Variants in CALN1 observed in about 807,000 individuals in gnomAD.
CALN1 encodes the protein calneuron 1.
Under a neutral mutation model 30.6 loss-of-function variants are expected in CALN1, and 17 were observed. That is an observed-to-expected ratio of 0.56 (90% confidence interval 0.38 to 0.83). CALN1 has a LOEUF of 0.83. CALN1 is among the 40% of genes least tolerant of loss of function. The pLI, the probability that CALN1 is intolerant of heterozygous loss-of-function variation, is 0.00. For synonymous variants in CALN1, 156 were observed against 131.4 expected, an observed-to-expected ratio of 1.19 and a Z score of -1.28; for missense variants, 291 against 354.9, an observed-to-expected ratio of 0.82 and a Z score of 1.45.
At chr7:72,093,608 G>T (rs1474317403) in intron 4 of CALN1, among the ~76,000 whole-genome samples, 1 of 152,158 alleles carries the variant, frequency 6.6e-6, no homozygotes, top group Non-Finnish European at 1.5e-5. Flanking sequence ...TCCAAGGTTT[G>T]ACCTTTATGG....
In CALN1 at chr7:72,401,890, C is replaced by T. The variant is rs572258167; in HGVS notation, c.119+1361G>A. The stretch of plus-strand genomic sequence containing the variant: ...GTTTCTCTTACTCAATTCTTACCTC[C>T]TTTTCTCAACATGCCCCACCCCCTT... On this transcript the variant is annotated intron_variant, in intron 2 of 6. Transcript: ENST00000395275. Among the ~76,000 whole-genome samples the T allele has an allele frequency of 4.1e-3, 627 of 152,278 alleles. 3 individuals are homozygous for T. The highest frequency in any genetic ancestry group is 6.6e-3 in the Non-Finnish European group (449 of 68,012).
chr7:72,231,175 TG>T (rs1276565292), intron 3 of CALN1, among the ~76,000 whole-genome samples: 1 of 152,206 alleles, frequency 6.6e-6, no homozygotes, highest in African/African-American at 2.4e-5. Context: ...TGTGCAGGTT[TG>T]TTACATAGGT....
intron 5 of CALN1, among the ~76,000 whole-genome samples, chr7:71,968,634 C>T (rs546642822): frequency 3.3e-5 from 5 of 152,120 alleles, no homozygotes; most frequent in African/African-American, 4.8e-5. Context: ...TGCCCATCTC[C>T]GCCTCCCAAA....
At chr7:72,142,825 G>A (rs979908031) in intron 3 of CALN1, among the ~76,000 whole-genome samples, 7 of 152,052 alleles carry the variant, frequency 4.6e-5, no homozygotes, top group African/African-American at 7.2e-5. Flanking sequence ...ACCAATATTC[G>A]CTGTTCTGCA....
intron 5 of CALN1, among the ~76,000 whole-genome samples, chr7:72,013,615 CAAGTATA>C (rs1423048885): frequency 2.0e-5 from 3 of 151,922 alleles, no homozygotes; most frequent in Non-Finnish European, 4.4e-5. Flanking sequence ...CTAATACAAA[CAAGTATA>C]AAGAAAAAAT....
intron 3 of CALN1, among the ~76,000 whole-genome samples, chr7:72,226,323 T>C (rs1793676254): frequency 6.7e-6 from 1 of 150,348 alleles, no homozygotes; most frequent in African/African-American, 2.5e-5. Context: ...CTCTGAACCA[T>C]GATTTCCCCA....
chr7:71,802,595 T>C lies in CALN1; in HGVS notation c.658+7741A>G, dbSNP rs137943339. Among the ~76,000 whole-genome samples the C allele has an allele frequency of 8.5e-5, 13 of 152,322 alleles. No homozygotes were observed. In the East Asian group the frequency reaches 2.3e-3, roughly 27 times the overall value. ...CCTCCACCTCAGCCTCCCGAATAGC[T>C]GAGACTACAGGCATGCGCCACCATG... On this transcript the variant is annotated intron_variant, in intron 6 of 6. Transcript: ENST00000395275.
At chr7:72,364,485 T>C (rs912301269) in intron 2 of CALN1, among the ~76,000 whole-genome samples, 41 of 152,220 alleles carry the variant, frequency 2.7e-4, no homozygotes, top group African/African-American at 8.7e-4. Flanking sequence ...CTTTGAAATG[T>C]AGGAAGCTTC....
chr7:72,329,574 C>T (rs1230940756), intron 2 of CALN1, among the ~76,000 whole-genome samples: 1 of 152,180 alleles, frequency 6.6e-6, no homozygotes, highest in African/African-American at 2.4e-5. Context: ...CTGGCTGTTC[C>T]CACACCCTGG....
chr7:72,141,255 G>A (rs1000660443), intron 3 of CALN1, among the ~76,000 whole-genome samples: 2 of 152,020 alleles, frequency 1.3e-5, no homozygotes, highest in Non-Finnish European at 2.9e-5. Context: ...TTGCACCACT[G>A]TACTCCAGCC....
chr7:71,916,134 T>C (rs553964038), intron 5 of CALN1, among the ~76,000 whole-genome samples: 1 of 152,150 alleles, frequency 6.6e-6, no homozygotes, highest in Admixed American at 6.5e-5. Flanking sequence ...TGAGCGAAGA[T>C]TGGAGGTGGG....
rs1426129861 is a variant in CALN1, at chr7:71,780,475, C to G, written c.*7300G>C. 1 of 152,298 alleles carries G rather than the reference C, an allele frequency of 6.6e-6. No homozygotes were observed. The highest frequency in any genetic ancestry group is 2.1e-4 in the South Asian group (1 of 4,814). 9.4% of individuals were successfully genotyped at this position (152,298 alleles called of 1,614,324 possible). A position where few individuals can be genotyped will look rare whatever the true frequency, so the allele number is the denominator to read the frequency against. On this transcript the variant is annotated 3_prime_UTR_variant, in exon 7 of 7. Transcript: ENST00000395275. ...ATCCTGCAGCTGCTCTCTTCCTGCC[C>G]TCTCTCCCTGGTCATGGGTGGGCCA...
intron 2 of CALN1, among the ~76,000 whole-genome samples, chr7:72,363,925 G>A (rs1449161925): frequency 6.6e-6 from 1 of 151,508 alleles, no homozygotes; most frequent in Non-Finnish European, 1.5e-5. Flanking sequence ...AGTAGAGAAG[G>A]GTTTTCACCA....
At chr7:71,973,294 G>C (rs879804648) in intron 5 of CALN1, among the ~76,000 whole-genome samples, 3 of 151,948 alleles carry the variant, frequency 2.0e-5, no homozygotes, top group Non-Finnish European at 4.4e-5. Flanking sequence ...TCCTGCCTCA[G>C]CCTCCCAAGT....
intron 5 of CALN1, among the ~76,000 whole-genome samples, chr7:71,979,657 T>C (rs1025978654): frequency 6.6e-6 from 1 of 151,850 alleles, no homozygotes; most frequent in African/African-American, 2.4e-5. Context: ...CCATTACTGC[T>C]CCACGGCCGG....
At chr7:72,240,558 G>A (rs1794761187) in intron 3 of CALN1, among the ~76,000 whole-genome samples, 1 of 152,186 alleles carries the variant, frequency 6.6e-6, no homozygotes, top group Admixed American at 6.5e-5. Flanking sequence ...GTTACTGCAT[G>A]TTCATACAAA....
intron 2 of CALN1, among the ~76,000 whole-genome samples, chr7:72,370,481 C>T (rs1017914300): frequency 2.0e-5 from 3 of 151,812 alleles, no homozygotes; most frequent in Admixed American, 6.6e-5. Context: ...GGTAAAACCC[C>T]GTCTCTAATA....
At chr7:72,302,911 A>AAAAAC (rs1554360231) in intron 2 of CALN1, among the ~76,000 whole-genome samples, 58 of 150,104 alleles carry the variant, frequency 3.9e-4, no homozygotes, top group African/African-American at 1.3e-3. Flanking sequence ...AAAAAAAAAA[A>AAAAAC]AAAAAACGAA....
intron 3 of CALN1, among the ~76,000 whole-genome samples, chr7:72,235,709 T>C (rs1365548726): frequency 5.5e-5 from 7 of 126,204 alleles, no homozygotes; most frequent in Admixed American, 4.4e-4. Flanking sequence ...CCATGACATC[T>C]CTCCCTCTGC....
Sources: gnomAD v4.1 joint callset for allele counts (sites outside exome capture counted in the v4.1 genomes callset) on GRCh38, gnomAD v4.1.1 for gene constraint, MANE v1.5 for transcripts, NCBI Gene and HGNC (gene_info 2026-07-23, HGNC 2026-07-21) for gene names.